The following XRCC4 variants were observed in gnomAD, a reference collection of about 807,000 sequenced individuals.
XRCC4 encodes DNA repair protein XRCC4.
XRCC4 carries 28 observed loss-of-function variants against 39.1 expected under a neutral mutation model. The observed-to-expected ratio is 0.72, with a 90% CI of 0.53 to 0.98. The LOEUF is 0.98. Ranked by LOEUF, XRCC4 falls within the 50% of genes least tolerant of loss-of-function variation. The probability of loss-of-function intolerance (pLI) is 0.00; values close to 1 mark genes in which losing one functional copy is unlikely to be tolerated. For missense variants in XRCC4, 350 were observed against 376.4 expected (o/e 0.93, Z 0.58); for synonymous variants, 123 against 126.4 (o/e 0.97, Z 0.18).
chr5:83,145,034 T>A (rs1386875527), intron 3 of XRCC4, among the ~76,000 whole-genome samples: 1 of 152,136 alleles, frequency 6.6e-6, no homozygotes, highest in African/African-American at 2.4e-5. Flanking sequence ...TAGCTGGGAC[T>A]ACAGGCACCC....
chr5:83,320,937 A>G (rs2112130678), intron 7 of XRCC4, among the ~76,000 whole-genome samples: 1 of 150,026 alleles, frequency 6.7e-6, no homozygotes, highest in East Asian at 2.0e-4. Context: ...TCAGCCTCCC[A>G]AGTAGCTGGA....
chr5:83,359,977 T>G, the XRCC4 span, among the ~76,000 whole-genome samples: 2 of 136,180 alleles, frequency 1.5e-5, no homozygotes, highest in South Asian at 2.2e-4. Context: ...AGTAATAGAG[T>G]GAAATGTCTG....
chr5:83,269,978 A>C (rs969043064), intron 7 of XRCC4, among the ~76,000 whole-genome samples: 20 of 150,678 alleles, frequency 1.3e-4, no homozygotes, highest in African/African-American at 4.9e-4. Flanking sequence ...ACTCACCATA[A>C]TGTAGAATCA....
intron 3 of XRCC4, among the ~76,000 whole-genome samples, chr5:83,127,352 T>C (rs940875546): frequency 1.3e-5 from 2 of 152,114 alleles, no homozygotes; most frequent in African/African-American, 4.8e-5. Context: ...TAGATGATAA[T>C]TGAATTATGG....
chr5:83,267,890 G>A (rs1754013469), intron 7 of XRCC4, among the ~76,000 whole-genome samples: 1 of 152,142 alleles, frequency 6.6e-6, no homozygotes, highest in Non-Finnish European at 1.5e-5. Context: ...TATCATTGAG[G>A]TGCTTAGAAA....
intron 1 of XRCC4, among the ~76,000 whole-genome samples, chr5:83,103,752 T>C (rs1746066742): frequency 6.6e-6 from 1 of 152,154 alleles, no homozygotes; most frequent in African/African-American, 2.4e-5. Flanking sequence ...ACACATAGTG[T>C]GGATGAATCT....
chr5:83,340,892 A>C (rs921732683), intron 7 of XRCC4, among the ~76,000 whole-genome samples: 3 of 152,136 alleles, frequency 2.0e-5, no homozygotes, highest in Non-Finnish European at 4.4e-5. Flanking sequence ...GGCTAGTATT[A>C]TTGTCTACCC....
chr5:83,339,912 T>A (rs1038082882), intron 7 of XRCC4, among the ~76,000 whole-genome samples: 51 of 152,308 alleles, frequency 3.3e-4, no homozygotes, highest in South Asian at 1.2e-3. Flanking sequence ...ACTTCTGCCT[T>A]GGATTGATTG....
chr5:83,277,088 C>G (rs1207549465), intron 7 of XRCC4, among the ~76,000 whole-genome samples: 1 of 152,098 alleles, frequency 6.6e-6, no homozygotes, highest in African/African-American at 2.4e-5. Flanking sequence ...ATCAGTGAAT[C>G]AAAAGAATTT....
intron 7 of XRCC4, among the ~76,000 whole-genome samples, chr5:83,310,413 A>G (rs1216679442): frequency 6.6e-6 from 1 of 152,174 alleles, no homozygotes; most frequent in Non-Finnish European, 1.5e-5. Flanking sequence ...GATGGGCCAG[A>G]TATGGAGAGG....
chr5:83,260,479 G>A (rs550336915), intron 7 of XRCC4, among the ~76,000 whole-genome samples: 1 of 152,142 alleles, frequency 6.6e-6, no homozygotes, highest in East Asian at 1.9e-4. Context: ...TGACTTAATG[G>A]TTTGCGGGAA....
At chr5:83,106,199 T>A (rs1410071509) in intron 2 of XRCC4, among the ~76,000 whole-genome samples, 1 of 152,100 alleles carries the variant, frequency 6.6e-6, no homozygotes, top group Non-Finnish European at 1.5e-5. Context: ...GTTTTATGTA[T>A]GCCAGAGAGA....
At chr5:83,086,597 G>A (rs953129585) in intron 1 of XRCC4, among the ~76,000 whole-genome samples, 1 of 151,786 alleles carries the variant, frequency 6.6e-6, no homozygotes, top group Non-Finnish European at 1.5e-5. Flanking sequence ...CTCTGGGCTG[G>A]CAGAGGTGGC....
chr5:83,143,774 T>C (rs867648306), intron 3 of XRCC4, among the ~76,000 whole-genome samples: 3 of 152,142 alleles, frequency 2.0e-5, no homozygotes, highest in South Asian at 4.1e-4. Flanking sequence ...CATTTTTTTT[T>C]CTGATAAGTT....
intron 7 of XRCC4, among the ~76,000 whole-genome samples, chr5:83,341,206 A>AC (rs1184241854): frequency 1.2e-4 from 18 of 152,070 alleles, no homozygotes; most frequent in Admixed American, 2.0e-4. Flanking sequence ...TAAAAAAAAA[A>AC]AACAACAACA....
At chr5:83,286,858 G>T (rs1754751631) in intron 7 of XRCC4, among the ~76,000 whole-genome samples, 1 of 152,032 alleles carries the variant, frequency 6.6e-6, no homozygotes, top group African/African-American at 2.4e-5. Flanking sequence ...AATAACTGAC[G>T]ATGTGCATGT....
At chr5:83,314,039 T>G (rs1351432878) in intron 7 of XRCC4, among the ~76,000 whole-genome samples, 2 of 152,042 alleles carry the variant, frequency 1.3e-5, no homozygotes, top group Non-Finnish European at 2.9e-5. Context: ...TAATATTATT[T>G]TATTATTATT....
intron 6 of XRCC4, among the ~76,000 whole-genome samples, chr5:83,240,233 G>T (rs1262440276): frequency 6.6e-6 from 1 of 152,100 alleles, no homozygotes; most frequent in Non-Finnish European, 1.5e-5. Context: ...AGGGGGAGAG[G>T]CTGTGTGACT....
Position 83,203,602 on chromosome 5 carries a change from A to G in XRCC4, c.533A>G (p.Lys178Arg). The G allele has an allele frequency of 6.2e-7, 1 of 1,609,348 alleles. No homozygotes were observed. Among genetic ancestry groups the G allele is most frequent in the Non-Finnish European group, 8.5e-7 (1 of 1,178,596 alleles). The change falls in exon 5 of 8, where the codon AAG becomes AGG. Residue 178 changes from lysine to arginine, a missense_variant. By Grantham distance (26) the Lys-to-Arg change is conservative. Coordinates refer to ENST00000396027, the MANE Select transcript of XRCC4 (RefSeq NM_003401.5). Reference sequence around the variant, plus strand: ...GAAGCTTTGGAGACTGATCTTTATAAGCGGTTTATTCTGGTGTTGAATGAG... The same window carrying G: ...GAAGCTTTGGAGACTGATCTTTATAGGCGGTTTATTCTGGTGTTGAATGAG... ...AKEALETDLY[K>R]RFILVLNEKK...
Sources: allele counts gnomAD v4.1 joint callset (sites outside exome capture counted in the v4.1 genomes callset), GRCh38; gene constraint gnomAD v4.1.1; transcripts MANE v1.5; gene names NCBI Gene and HGNC (gene_info 2026-07-23, HGNC 2026-07-21).